The following SLC44A3 variants were observed in gnomAD, a reference collection of about 807,000 sequenced individuals.
The protein encoded by SLC44A3 is choline transporter-like protein 3.
A neutral mutation model predicts 75.4 loss-of-function variants in SLC44A3; 74 were observed. The observed-to-expected ratio is 0.98, with a 90% confidence interval of 0.81 to 1.19. The LOEUF is 1.19. Among genes scored for constraint, SLC44A3 ranks in the 50% most tolerant of loss-of-function variants. The probability of loss-of-function intolerance (pLI) is 0.00; values close to 1 mark genes in which losing one functional copy is unlikely to be tolerated. For synonymous variants in SLC44A3, 310 were observed against 296.9 expected (o/e 1.04, Z -0.45); for missense variants, 700 against 778.6 (o/e 0.90, Z 1.20).
chr1:94,860,688 G>A (rs1666461260), intron 10 of SLC44A3, among the ~76,000 whole-genome samples: 1 of 152,198 alleles, frequency 6.6e-6, no homozygotes, highest in African/African-American at 2.4e-5. Flanking sequence ...ACCTAGTATA[G>A]AGTTGTATAC....
At chr1:94,826,691 C>T (rs139956958) in intron 3 of SLC44A3, among the ~76,000 whole-genome samples, 1,782 of 151,578 alleles carry the variant, frequency 0.012, 36 homozygotes, top group African/African-American at 0.042. Flanking sequence ...TATTTTAACA[C>T]AATTTTTAAA....
chr1:94,873,923 C>T (rs936705570), intron 12 of SLC44A3, among the ~76,000 whole-genome samples: 6 of 152,222 alleles, frequency 3.9e-5, no homozygotes, highest in African/African-American at 1.4e-4. Context: ...AGTCTCATCA[C>T]GTAGCATCCA....
intron 12 of SLC44A3, chr1:94,888,561 A>C: frequency 1.4e-5 from 8 of 584,982 alleles, no homozygotes; most frequent in African/African-American, 2.0e-5. Context: ...CTTTCCAGCA[A>C]CAGCTGGTTT....
intron 5 of SLC44A3, among the ~76,000 whole-genome samples, chr1:94,836,334 C>G (rs1215188265): frequency 6.6e-6 from 1 of 152,168 alleles, no homozygotes; most frequent in African/African-American, 2.4e-5. Context: ...GGCTTTTTTA[C>G]ATTTCAGGAA....
At chr1:94,851,765 G>C (rs894275656) in intron 9 of SLC44A3, among the ~76,000 whole-genome samples, 7 of 152,224 alleles carry the variant, frequency 4.6e-5, no homozygotes, top group Non-Finnish European at 8.8e-5. Flanking sequence ...GCTGGGGCTG[G>C]CAGGACTCTT....
chr1:94,886,685 A>G (rs1319722068), intron 12 of SLC44A3, among the ~76,000 whole-genome samples: 1 of 151,990 alleles, frequency 6.6e-6, no homozygotes, highest in African/African-American at 2.4e-5. Context: ...ATTGTTTTGA[A>G]GCCCTCACAG....
intron 5 of SLC44A3, among the ~76,000 whole-genome samples, chr1:94,832,965 T>C (rs1662311862): frequency 8.0e-6 from 1 of 125,212 alleles, no homozygotes; most frequent in African/African-American, 2.9e-5. Flanking sequence ...AGACCCTGTC[T>C]CAACTTTTTT....
At position 94,847,305 on chromosome 1, in the gene SLC44A3, CAT is replaced by C. The variant is rs1664534112; in HGVS notation, c.1072+1843_1072+1844del. Among the ~76,000 whole-genome samples the C allele has an allele frequency of 2.0e-5, 3 of 152,320 alleles. No homozygotes were observed. In the East Asian group the frequency reaches 5.8e-4, roughly 29 times the overall value. ...GCAGCCTCTGCCCTTGCTTCCACCT[CAT>C]AGTGAAAGGCTGCTCAGGCTCCCAC... On this transcript the variant is annotated intron_variant, in intron 9 of 14. Transcript: ENST00000271227.
chr1:94,885,721 A>C (rs537543505), intron 12 of SLC44A3, among the ~76,000 whole-genome samples: 1 of 152,322 alleles, frequency 6.6e-6, no homozygotes, highest in African/African-American at 2.4e-5. Context: ...TCTGTGCTTT[A>C]GTTTCCTTAA....
At chr1:94,820,554 C>T in intron 1 of SLC44A3, 76 bp downstream of exon 1, 2 of 1,446,826 alleles carry the variant, frequency 1.4e-6, no homozygotes, top group Non-Finnish European at 1.8e-6. Context: ...ACGCACCTTC[C>T]CTGCCGGACG....
intron 9 of SLC44A3, among the ~76,000 whole-genome samples, chr1:94,856,178 G>C (rs1033310874): frequency 3.3e-5 from 5 of 152,188 alleles, no homozygotes; most frequent in African/African-American, 1.2e-4. Context: ...GAAATTTAAT[G>C]ATAGTAATAA....
At chr1:94,892,631 T>A in intron 14 of SLC44A3, 114 bp downstream of exon 14, 3 of 1,034,318 alleles carry the variant, frequency 2.9e-6, no homozygotes, top group African/African-American at 1.6e-5. Flanking sequence ...TAGAGGGCTC[T>A]GAGGCTTCTA....
At chr1:94,859,469 C>T (rs576077871) in intron 10 of SLC44A3, among the ~76,000 whole-genome samples, 23 of 152,302 alleles carry the variant, frequency 1.5e-4, no homozygotes, top group South Asian at 6.2e-4. Context: ...CAGAAGCAGC[C>T]TGTCCGTGTG....
chr1:94,865,142 G>T lies in SLC44A3; in HGVS notation c.1395+243G>T, dbSNP rs183139206. ...TTCTCCAACTCGGTGGAGATGGCGT[G>T]GGGAGGGAGTAGTTCTGAGTTAGCT... On this transcript the variant is annotated intron_variant, in intron 11 of 14. Transcript: ENST00000271227. Among the ~76,000 whole-genome samples, 7 of 152,032 alleles carry T rather than the reference G, an allele frequency of 4.6e-5. No individual in the cohort carries two copies. The South Asian group carries it at 1.5e-3, about 32-fold the overall frequency.
intron 9 of SLC44A3, among the ~76,000 whole-genome samples, chr1:94,854,590 G>A (rs1665619688): frequency 6.6e-6 from 1 of 152,224 alleles, no homozygotes; most frequent in African/African-American, 2.4e-5. Context: ...AGTCATGTGT[G>A]CCTAAGCACG....
chr1:94,823,654 C>A (rs1660914187), intron 2 of SLC44A3, among the ~76,000 whole-genome samples: 1 of 152,104 alleles, frequency 6.6e-6, no homozygotes, highest in Admixed American at 6.6e-5. Flanking sequence ...GGACAATGTA[C>A]CTTTGCAGCA....
At chr1:94,892,215 G>T in intron 13 of SLC44A3, 66 bp from the exon 14 acceptor site, 1 of 1,432,886 alleles carries the variant, frequency 7.0e-7, no homozygotes, top group African/African-American at 1.4e-5. Flanking sequence ...ACCATTACTT[G>T]TAACTGACAA....
Position 94,891,287 on chromosome 1 carries a change from T to G in SLC44A3, c.1620+20T>G. On this transcript the variant is annotated intron_variant, in intron 13 of 14. Coordinates refer to ENST00000271227, the MANE Select transcript of SLC44A3 (RefSeq NM_001114106.3). ...GGAAAGGTGAGATATCTTGACTAAATAAAGGAGCCTGGGATTCTGAAAATT... is the reference window on the plus strand; with the variant it reads ...GGAAAGGTGAGATATCTTGACTAAAGAAAGGAGCCTGGGATTCTGAAAATT... 1.3e-6 allele frequency: 2 copies of G among 1,580,810 alleles called. No individual in the cohort carries two copies. Among genetic ancestry groups the G allele is most frequent in the Non-Finnish European group, 1.7e-6 (2 of 1,167,858 alleles).
Position 94,820,493 on chromosome 1 carries a change from C to T in SLC44A3, c.27+15C>T. On this transcript the variant is annotated intron_variant, in intron 1 of 14. Transcript: ENST00000271227. ...CCGAGTACCTGGTAAGCGCTCGCAG[C>T]CTCGGCCCTCGGGGGAGGAGCCCCG... 6.7e-7 allele frequency: 1 copy of T among 1,491,828 alleles called. No individual in the cohort carries two copies. The highest frequency in any genetic ancestry group is 1.2e-5 in the South Asian group (1 of 80,246). 92.4% of individuals were successfully genotyped at this position (1,491,828 alleles called of 1,614,324 possible).
Sources: gnomAD v4.1 joint callset for allele counts (sites outside exome capture counted in the v4.1 genomes callset) on GRCh38, gnomAD v4.1.1 for gene constraint, MANE v1.5 for transcripts, NCBI Gene and HGNC (gene_info 2026-07-23, HGNC 2026-07-21) for gene names.